The following ELP2 variants were observed in gnomAD, a reference collection of about 807,000 sequenced individuals.
The protein encoded by ELP2 is elongator complex protein 2.
ELP2 carries 90 observed loss-of-function variants against 119.2 expected under a neutral mutation model. The ratio of observed to expected loss-of-function variants is 0.75; its 90% CI spans 0.64 to 0.90. The LOEUF (loss-of-function observed/expected upper bound fraction) is 0.90. Among genes scored for constraint, ELP2 ranks in the 40% least tolerant of loss-of-function variants. The pLI is 0.00. For missense variants in ELP2, 921 were observed against 967.8 expected, an observed-to-expected ratio of 0.95 and a Z score of 0.64; for synonymous variants, 339 against 331.0, an observed-to-expected ratio of 1.02 and a Z score of -0.26.
rs1032021633 is a variant in ELP2 at position 36,178,456 on chromosome 18, TG to T, written c.*3816del. 6.6e-6 allele frequency: 1 copy of T among 152,180 alleles called. No individual in the cohort carries two copies. Among genetic ancestry groups the T allele is most frequent in the Non-Finnish European group, 1.5e-5 (1 of 68,044 alleles). 9.4% of individuals were successfully genotyped at this position (152,180 alleles called of 1,614,324 possible). A position where few individuals can be genotyped will look rare whatever the true frequency, so the allele number is the denominator to read the frequency against. Reference sequence around the variant, plus strand: ...GAGATTGAAAGATACTTGAGACGTGTGAATCCAGTGCAATGTATGAACCTTG... The same window carrying T: ...GAGATTGAAAGATACTTGAGACGTGTAATCCAGTGCAATGTATGAACCTTG... On this transcript the variant is annotated 3_prime_UTR_variant, in exon 22 of 22. Coordinates refer to ENST00000358232, the MANE Select transcript of ELP2 (RefSeq NM_018255.4).
chr18:36,166,268 T>TAA (rs1244558848), intron 18 of ELP2, among the ~76,000 whole-genome samples: 1 of 151,586 alleles, frequency 6.6e-6, no homozygotes, highest in Non-Finnish European at 1.5e-5. Context: ...TAATAATAGA[T>TAA]ACGCTCTTAT....
In ELP2 at chr18:36,171,097, G is replaced by A. The variant is rs771139906; in HGVS notation, c.2261G>A (p.Trp754Ter). Residue 754 changes from tryptophan (W) to a stop codon, truncating the protein, a stop_gained, in exon 21 of 22, where the codon TGG (tryptophan) becomes TAG (stop). Coordinates refer to ENST00000358232, the MANE Select transcript of ELP2 (RefSeq NM_018255.4). LOFTEE classifies it high-confidence loss of function. ...TGTGGAAAGATTTGCTTATATACCTGGAAAAAGACTGATCAAGTTCCAGAA... is the reference window on the plus strand; with the variant it reads ...TGTGGAAAGATTTGCTTATATACCTAGAAAAAGACTGATCAAGTTCCAGAA... ...LECGKICLYT[W>*]KKTDQVPEIN... The A allele has an allele frequency of 6.2e-7, 1 of 1,614,062 alleles. No individual in the cohort carries two copies. Among genetic ancestry groups the A allele is most frequent in the Non-Finnish European group, 8.5e-7 (1 of 1,179,960 alleles).
intron 5 of ELP2, 65 bp downstream of exon 5, chr18:36,138,937 C>A: frequency 8.1e-7 from 1 of 1,228,942 alleles, no homozygotes; most frequent in Non-Finnish European, 1.2e-6. Flanking sequence ...ATGATTAGAA[C>A]CTAAAAGAAA....
Position 36,167,115 on chromosome 18 carries a change from CT to C in ELP2, c.1974del (p.Phe658LeufsTer66). 1 of 1,598,344 alleles carries C rather than the reference CT, an allele frequency of 6.3e-7. No homozygotes were observed. The highest frequency in any genetic ancestry group is 1.2e-5 in the South Asian group (1 of 86,718). ...ISPEFEPVFS[L>X]FAFTNKITSV... ...ATTTCTTTCAGAGCCAGTTTTTAGT[CT>C]TTTTGCCTTCACCAACAAAATTACT... On this transcript the variant is annotated frameshift_variant, in exon 19 of 22. Coordinates refer to ENST00000358232, the MANE Select transcript of ELP2 (RefSeq NM_018255.4). LOFTEE classifies it high-confidence loss of function.
intron 1 of ELP2, among the ~76,000 whole-genome samples, chr18:36,131,733 T>C (rs927405926): frequency 6.6e-6 from 1 of 152,218 alleles, no homozygotes; most frequent in Admixed American, 6.5e-5. Flanking sequence ...TGCTTTGATG[T>C]ACTTAACACA....
At position 36,143,580 on chromosome 18, in the gene ELP2, A is replaced by G. The variant is rs535820313; in HGVS notation, c.796+614A>G. Among the ~76,000 whole-genome samples, 7 of 152,060 alleles carry G rather than the reference A, an allele frequency of 4.6e-5. No homozygotes were observed. In the South Asian group the frequency reaches 1.0e-3, roughly 23 times the overall value. On this transcript the variant is annotated intron_variant, in intron 8 of 21. Transcript: ENST00000358232. Reference sequence around the variant, plus strand: ...CCAGCTAATTTTTAAAATTTTCTGTAAAGATAGGGTCTTGCTATGTTGTCC... The same window carrying G: ...CCAGCTAATTTTTAAAATTTTCTGTGAAGATAGGGTCTTGCTATGTTGTCC...
intron 2 of ELP2, among the ~76,000 whole-genome samples, chr18:36,133,897 G>GTTTTT (rs57135329): frequency 3.0e-4 from 18 of 60,804 alleles, no homozygotes; most frequent in African/African-American, 1.1e-3. Context: ...TTTTTTAGGG[G>GTTTTT]TTTTTTTTTT....
At chr18:36,169,955 A>T in intron 19 of ELP2, 108 bp from the exon 20 acceptor site, 1 of 1,446,646 alleles carries the variant, frequency 6.9e-7, no homozygotes, top group Non-Finnish European at 9.6e-7. Context: ...TGCATTTTTT[A>T]AAATACCAGA....
At position 36,170,181 on chromosome 18, in the gene ELP2, T is replaced by C; in HGVS notation, c.2195T>C (p.Leu732Pro). 6.2e-7 allele frequency: 1 copy of C among 1,614,152 alleles called. No homozygotes were observed. The highest frequency in any genetic ancestry group is 8.5e-7 in the Non-Finnish European group (1 of 1,180,024). The change falls in exon 20 of 22, where the codon CTC (leucine) becomes CCC (proline). Residue 732 changes from leucine to proline, a missense_variant. Leu to Pro is a moderately conservative substitution (Grantham distance 98). Coordinates refer to ENST00000358232, the MANE Select transcript of ELP2 (RefSeq NM_018255.4). ...ACAGCTGTCAGCGTCTGCCCAGTGC[T>C]CCACCCTTCTCAACGGTCAGTCTCT... ...AVTAVSVCPV[L>P]HPSQRYVVAV...
intron 11 of ELP2, among the ~76,000 whole-genome samples, chr18:36,149,880 A>G (rs1009738293): frequency 6.6e-6 from 1 of 152,106 alleles, no homozygotes; most frequent in African/African-American, 2.4e-5. Flanking sequence ...TCTCTGTCAA[A>G]CTGTGACTCT....
chr18:36,157,239 A>G (rs2090601123), intron 13 of ELP2, among the ~76,000 whole-genome samples: 1 of 152,234 alleles, frequency 6.6e-6, no homozygotes, highest in African/African-American at 2.4e-5. Context: ...TATAAAAATT[A>G]TGAAGTAATT....
chr18:36,138,916 C>T (rs756652255), intron 5 of ELP2, 44 bp downstream of exon 5: 3 of 1,362,096 alleles, frequency 2.2e-6, no homozygotes, highest in Non-Finnish European at 3.2e-6. Context: ...AGTATATTTG[C>T]ATACTGTCAT....
At position 36,180,026 on chromosome 18, in the gene ELP2, T is replaced by C. The variant is rs997727729; in HGVS notation, c.*5385T>C. ...TTTCTGGTTTACGCAAGTTAAAAGT[T>C]TATTTCTCTCATATGAAAGGAGTCA... On this transcript the variant is annotated 3_prime_UTR_variant, in exon 22 of 22. Transcript: ENST00000358232. 9.8e-5 allele frequency: 15 copies of C among 152,342 alleles called. No homozygotes were observed. Among genetic ancestry groups the C allele is most frequent in the African/African-American group, 3.6e-4 (15 of 41,556 alleles). The allele number at this position is 152,342 out of a possible 1,614,324, so 9.4% of individuals were successfully genotyped here.
intron 16 of ELP2, among the ~76,000 whole-genome samples, chr18:36,160,578 G>GA (rs34625725): frequency 0.98 from 139,159 of 142,018 alleles, 68,174 homozygotes; most frequent in East Asian, 1. Flanking sequence ...ACCTTGCCTT[G>GA]AAAAAAAAAA....
chr18:36,146,784 T>C (rs1410900058), intron 11 of ELP2, among the ~76,000 whole-genome samples: 4 of 152,114 alleles, frequency 2.6e-5, no homozygotes, highest in African/African-American at 4.8e-5. Flanking sequence ...GGAGGATTGC[T>C]TGAAGCTAGG....
At chr18:36,130,248 C>A (rs1225686989) in intron 1 of ELP2, among the ~76,000 whole-genome samples, 177 bp downstream of exon 1, 2 of 152,210 alleles carry the variant, frequency 1.3e-5, no homozygotes, top group Non-Finnish European at 2.9e-5. Context: ...CCTCACCCCT[C>A]ACCCTTTGCC....
intron 5 of ELP2, among the ~76,000 whole-genome samples, chr18:36,140,260 T>C (rs1310686925): frequency 6.6e-6 from 1 of 151,880 alleles, no homozygotes; most frequent in African/African-American, 2.4e-5. Context: ...CCTGAGTAGC[T>C]GGGACTCCAA....
At chr18:36,138,475 A>AAT in intron 4 of ELP2, 49 bp downstream of exon 4, 1 of 1,582,576 alleles carries the variant, frequency 6.3e-7, no homozygotes, top group East Asian at 2.2e-5. Flanking sequence ...ATATTTAACA[A>AAT]ATGAATGACG....
intron 11 of ELP2, among the ~76,000 whole-genome samples, chr18:36,149,441 T>G (rs1431049523): frequency 1.3e-5 from 2 of 150,526 alleles, no homozygotes; most frequent in African/African-American, 4.9e-5. Flanking sequence ...TTAGGAATTT[T>G]GATACAAGAC....
Sources: gnomAD v4.1 joint callset for allele counts (sites outside exome capture counted in the v4.1 genomes callset) on GRCh38, gnomAD v4.1.1 for gene constraint, MANE v1.5 for transcripts, NCBI Gene and HGNC (gene_info 2026-07-23, HGNC 2026-07-21) for gene names.